Variants in AGMO observed in about 807,000 individuals in gnomAD.
AGMO encodes glyceryl-ether monooxygenase.
In AGMO, 75 loss-of-function variants were observed where a neutral mutation model predicts 60.2. That is an observed-to-expected ratio of 1.25 (90% CI 1.03 to 1.51). AGMO has a LOEUF of 1.51. Among genes scored for constraint, AGMO ranks in the 40% most tolerant of loss-of-function variants. AGMO has a pLI of 0.00. For missense variants in AGMO, 763 were observed against 525.5 expected, an observed-to-expected ratio of 1.45 and a Z score of -4.42; for synonymous variants, 261 against 177.1, an observed-to-expected ratio of 1.47 and a Z score of -3.76.
chr7:15,478,633 T>G (rs1185705690), intron 3 of AGMO, among the ~76,000 whole-genome samples: 2 of 152,112 alleles, frequency 1.3e-5, no homozygotes, highest in African/African-American at 4.8e-5. Flanking sequence ...CTGAACTGAA[T>G]AGAACACTAC....
At chr7:15,153,985 C>A in the AGMO span, among the ~76,000 whole-genome samples, 1 of 152,056 alleles carries the variant, frequency 6.6e-6, no homozygotes, top group African/African-American at 2.4e-5. Flanking sequence ...AGGAGGCCCA[C>A]TTGCACTACT....
At chr7:15,161,389 T>C in the AGMO span, among the ~76,000 whole-genome samples, 1 of 151,926 alleles carries the variant, frequency 6.6e-6, no homozygotes, top group Admixed American at 6.6e-5. Flanking sequence ...CCATGGATCT[T>C]CCTTAAATCT....
intron 3 of AGMO, among the ~76,000 whole-genome samples, chr7:15,531,371 CTA>C (rs1420108548): frequency 1.3e-5 from 1 of 78,492 alleles, no homozygotes; most frequent in Admixed American, 1.9e-4. Flanking sequence ...TATATATATT[CTA>C]TATATATTCT....
intron 2 of AGMO, among the ~76,000 whole-genome samples, chr7:15,556,078 G>A (rs1185461178): frequency 1.3e-5 from 2 of 151,838 alleles, no homozygotes; most frequent in African/African-American, 4.8e-5. Flanking sequence ...TCATTTGTTA[G>A]GTCTGATTTG....
intron 8 of AGMO, 60 bp from the exon 9 acceptor site, chr7:15,387,600 A>T (rs994799667): frequency 7.0e-7 from 1 of 1,426,024 alleles, no homozygotes; most frequent in African/African-American, 1.5e-5. Flanking sequence ...ATTAAATACC[A>T]AAAGTTATGT....
At chr7:15,551,388 G>T in intron 2 of AGMO, among the ~76,000 whole-genome samples, 1 of 149,512 alleles carries the variant, frequency 6.7e-6, no homozygotes, top group African/African-American at 2.5e-5. Context: ...GTCCCTGTTT[G>T]CAGACGACAT....
chr7:15,553,044 C>A (rs537031371), intron 2 of AGMO, among the ~76,000 whole-genome samples: 61 of 151,466 alleles, frequency 4.0e-4, no homozygotes, highest in African/African-American at 1.4e-3. Context: ...AATTGGAAAT[C>A]ATCATTCTCA....
intron 12 of AGMO, among the ~76,000 whole-genome samples, chr7:15,356,133 A>G (rs545826352): frequency 1.3e-5 from 2 of 152,298 alleles, no homozygotes; most frequent in East Asian, 1.9e-4. Flanking sequence ...TCACTTGGAA[A>G]ACAACTTGGC....
chr7:15,344,035 T>C (rs1437240881), intron 12 of AGMO, among the ~76,000 whole-genome samples: 2 of 152,188 alleles, frequency 1.3e-5, no homozygotes, highest in African/African-American at 4.8e-5. Flanking sequence ...AACTTAAAAA[T>C]AGACACTTGT....
chr7:15,445,047 A>C (rs1781661321), intron 3 of AGMO, among the ~76,000 whole-genome samples: 1 of 152,330 alleles, frequency 6.6e-6, no homozygotes, highest in Admixed American at 6.5e-5. Flanking sequence ...TTAGCACATA[A>C]TCAGGCAAAA....
chr7:15,229,693 A>G (rs948811800), intron 12 of AGMO, among the ~76,000 whole-genome samples: 4 of 143,638 alleles, frequency 2.8e-5, no homozygotes, highest in Non-Finnish European at 4.5e-5. Flanking sequence ...CATATATATA[A>G]CTAATTATTT....
chr7:15,276,428 T>C (rs181325018), intron 12 of AGMO, among the ~76,000 whole-genome samples: 1 of 152,164 alleles, frequency 6.6e-6, no homozygotes, highest in Non-Finnish European at 1.5e-5. Flanking sequence ...ATTTACATTA[T>C]AGGTGATTTG....
At chr7:15,489,162 ATAAT>A (rs1333493805) in intron 3 of AGMO, among the ~76,000 whole-genome samples, 11 of 152,318 alleles carry the variant, frequency 7.2e-5, no homozygotes, top group African/African-American at 2.4e-4. Context: ...TTCAACATAA[ATAAT>A]TAAGAAACAT....
At chr7:15,163,363 T>C in the AGMO span, among the ~76,000 whole-genome samples, 2 of 152,282 alleles carry the variant, frequency 1.3e-5, no homozygotes, top group Non-Finnish European at 2.9e-5. Flanking sequence ...CTATGTTCAG[T>C]AAGAGTGGTG....
At chr7:15,261,226 T>G (rs1040126346) in intron 12 of AGMO, among the ~76,000 whole-genome samples, 5 of 151,950 alleles carry the variant, frequency 3.3e-5, no homozygotes, top group African/African-American at 9.7e-5. Flanking sequence ...AAAGCTTGTT[T>G]TTGAAAAGAT....
At chr7:15,531,234 T>C (rs1784330951) in intron 3 of AGMO, among the ~76,000 whole-genome samples, 1 of 94,314 alleles carries the variant, frequency 1.1e-5, no homozygotes, top group African/African-American at 4.5e-5. Context: ...ATTCTATATA[T>C]ATATTCTATA....
At chr7:15,441,716 A>T (rs1264381951) in intron 3 of AGMO, among the ~76,000 whole-genome samples, 1 of 152,184 alleles carries the variant, frequency 6.6e-6, no homozygotes. Context: ...TATTTGGAAC[A>T]ATGCTTTCTA....
At chr7:15,241,241 A>C (rs1280576775) in intron 12 of AGMO, among the ~76,000 whole-genome samples, 3 of 151,720 alleles carry the variant, frequency 2.0e-5, no homozygotes, top group Admixed American at 6.6e-5. Flanking sequence ...CGGGCGGATC[A>C]CGAGGTCAGG....
intron 12 of AGMO, among the ~76,000 whole-genome samples, chr7:15,238,305 A>T (rs939094709): frequency 2.6e-5 from 4 of 152,004 alleles, no homozygotes; most frequent in Non-Finnish European, 5.9e-5. Flanking sequence ...AAGGCATACA[A>T]AAATACAGTT....
Sources: allele counts gnomAD v4.1 joint callset (sites outside exome capture counted in the v4.1 genomes callset), GRCh38; gene constraint gnomAD v4.1.1; transcripts MANE v1.5; gene names NCBI Gene and HGNC (gene_info 2026-07-23, HGNC 2026-07-21).